Variants in CADM2 observed in about 807,000 individuals in gnomAD.
The protein encoded by CADM2 is cell adhesion molecule 2.
In CADM2, 12 loss-of-function variants were observed where a neutral mutation model predicts 49.8. That is an observed-to-expected ratio of 0.24 (90% CI 0.15 to 0.39). CADM2 has a LOEUF of 0.39. Ranked by LOEUF, CADM2 falls within the 10% of genes least tolerant of loss-of-function variation. The probability of loss-of-function intolerance (pLI) is 1.00; values close to 1 mark genes in which losing one functional copy is unlikely to be tolerated. For synonymous variants in CADM2, 214 were observed against 175.4 expected, an observed-to-expected ratio of 1.22 and a Z score of -1.74; for missense variants, 378 against 492.3, an observed-to-expected ratio of 0.77 and a Z score of 2.20.
chr3:85,471,726 A>ATTTTATTT (rs1559857376), intron 1 of CADM2, among the ~76,000 whole-genome samples: 1 of 39,354 alleles, frequency 2.5e-5, no homozygotes. Flanking sequence ...TTATTTTATT[A>ATTTTATTT]TACTTTAAGT....
chr3:85,146,162 A>C (rs562122656), intron 1 of CADM2, among the ~76,000 whole-genome samples: 26 of 152,278 alleles, frequency 1.7e-4, no homozygotes, highest in Admixed American at 4.6e-4. Flanking sequence ...TCTTGCTTGT[A>C]CTCTGCTAAT....
intron 2 of CADM2, among the ~76,000 whole-genome samples, chr3:85,769,311 T>C (rs1475137662): frequency 8.0e-6 from 1 of 124,796 alleles, no homozygotes; most frequent in African/African-American, 3.1e-5. Context: ...CGTATATACA[T>C]ATATACATAT....
At chr3:85,922,509 T>A (rs974640198) in intron 6 of CADM2, among the ~76,000 whole-genome samples, 4 of 152,080 alleles carry the variant, frequency 2.6e-5, no homozygotes, top group Non-Finnish European at 2.9e-5. Context: ...AAAACCGGAC[T>A]TTTTATTATC....
chr3:85,273,318 G>A (rs184054705), intron 1 of CADM2, among the ~76,000 whole-genome samples: 1 of 151,402 alleles, frequency 6.6e-6, no homozygotes, highest in Admixed American at 6.6e-5. Flanking sequence ...GGAAGGCAGT[G>A]GAAGATTTTG....
At chr3:85,160,376 TAAAAG>T (rs1246386965) in intron 1 of CADM2, among the ~76,000 whole-genome samples, 1 of 152,148 alleles carries the variant, frequency 6.6e-6, no homozygotes, top group Non-Finnish European at 1.5e-5. Flanking sequence ...TTTGATTTCT[TAAAAG>T]AAACCAGTTT....
intron 8 of CADM2, among the ~76,000 whole-genome samples, chr3:86,017,597 C>A (rs1019340756): frequency 2.0e-5 from 3 of 151,662 alleles, no homozygotes; most frequent in Admixed American, 2.0e-4. Context: ...GGCACAGTAG[C>A]ATACACGTGT....
intron 8 of CADM2, among the ~76,000 whole-genome samples, chr3:86,023,051 C>A (rs1733400386): frequency 6.6e-6 from 1 of 152,112 alleles, no homozygotes; most frequent in Non-Finnish European, 1.5e-5. Context: ...AGGGTTCTAG[C>A]ATTTTTTACT....
intron 4 of CADM2, among the ~76,000 whole-genome samples, chr3:85,885,457 G>A (rs1203815240): frequency 2.0e-5 from 3 of 151,946 alleles, no homozygotes; most frequent in Non-Finnish European, 4.4e-5. Flanking sequence ...CAGATCACGA[G>A]GTCAGGAGTT....
At chr3:85,144,834 T>C (rs572288080) in intron 1 of CADM2, among the ~76,000 whole-genome samples, 1 of 152,166 alleles carries the variant, frequency 6.6e-6, no homozygotes, top group Non-Finnish European at 1.5e-5. Context: ...ACAAGATAGA[T>C]AAATATAATC....
At chr3:85,945,371 C>T (rs1577733734) in intron 7 of CADM2, among the ~76,000 whole-genome samples, 3 of 152,216 alleles carry the variant, frequency 2.0e-5, no homozygotes, top group African/African-American at 7.2e-5. Flanking sequence ...TGGTACTATT[C>T]CTTCTGAAAC....
intron 1 of CADM2, among the ~76,000 whole-genome samples, chr3:85,682,279 G>T (rs968310472): frequency 7.2e-5 from 11 of 152,092 alleles, no homozygotes; most frequent in African/African-American, 2.7e-4. Context: ...AGTCTTGACT[G>T]ACTAAAGAGG....
At chr3:85,633,618 T>C (rs1352502741) in intron 1 of CADM2, among the ~76,000 whole-genome samples, 1 of 152,028 alleles carries the variant, frequency 6.6e-6, no homozygotes, top group Admixed American at 6.6e-5. Context: ...GCAGTCATAG[T>C]TAAGAGCCAC....
intron 1 of CADM2, among the ~76,000 whole-genome samples, chr3:85,530,983 A>G (rs2061297508): frequency 6.6e-6 from 1 of 151,782 alleles, no homozygotes; most frequent in Non-Finnish European, 1.5e-5. Context: ...TGTCTGTAAC[A>G]TGAGTTTTAA....
intron 1 of CADM2, among the ~76,000 whole-genome samples, chr3:85,465,102 A>G (rs1051042408): frequency 6.6e-6 from 1 of 152,200 alleles, no homozygotes; most frequent in African/African-American, 2.4e-5. Flanking sequence ...GTAAGCTGAG[A>G]TCGCGCCACT....
intron 1 of CADM2, among the ~76,000 whole-genome samples, chr3:85,480,882 A>C (rs1247655619): frequency 6.6e-6 from 1 of 151,616 alleles, no homozygotes; most frequent in African/African-American, 2.4e-5. Context: ...CTAATATCTC[A>C]CTTTATTTGG....
chr3:85,235,099 A>G (rs1197577612), intron 1 of CADM2, among the ~76,000 whole-genome samples: 3 of 151,766 alleles, frequency 2.0e-5, no homozygotes, highest in Non-Finnish European at 4.4e-5. Context: ...ATCCTCCTTA[A>G]TCTACAATCT....
At chr3:84,997,617 A>G (rs1008066504) in intron 1 of CADM2, among the ~76,000 whole-genome samples, 2 of 151,914 alleles carry the variant, frequency 1.3e-5, no homozygotes, top group African/African-American at 4.8e-5. Flanking sequence ...TTTATTTTAT[A>G]TGTTATTTAT....
chr3:85,894,160 T>G (rs1227929259), intron 5 of CADM2, among the ~76,000 whole-genome samples: 2 of 151,998 alleles, frequency 1.3e-5, no homozygotes, highest in African/African-American at 2.4e-5. Flanking sequence ...TAGAATACTA[T>G]GCAGCCATAA....
At chr3:85,174,680 A>C (rs2040729138) in intron 1 of CADM2, among the ~76,000 whole-genome samples, 1 of 152,088 alleles carries the variant, frequency 6.6e-6, no homozygotes, top group Non-Finnish European at 1.5e-5. Context: ...TTTACTCTTA[A>C]AATGTATTCA....
Sources: gnomAD v4.1 joint callset for allele counts (sites outside exome capture counted in the v4.1 genomes callset) on GRCh38, gnomAD v4.1.1 for gene constraint, MANE v1.5 for transcripts, NCBI Gene and HGNC (gene_info 2026-07-23, HGNC 2026-07-21) for gene names.